Variants in ALDH1L2 observed in about 807,000 individuals in gnomAD.
ALDH1L2 encodes the protein mitochondrial 10-formyltetrahydrofolate dehydrogenase.
Under a neutral mutation model 111.0 loss-of-function variants are expected in ALDH1L2, and 91 were observed. That is an observed-to-expected ratio of 0.82 (90% confidence interval 0.69 to 0.98). The LOEUF is 0.98. ALDH1L2 is among the 50% of genes least tolerant of loss of function. The pLI is 0.00. For synonymous variants in ALDH1L2, 374 were observed against 392.6 expected, an observed-to-expected ratio of 0.95 and a Z score of 0.56; for missense variants, 995 against 1,126.8, an observed-to-expected ratio of 0.88 and a Z score of 1.67.
chr12:105,030,275 A>T (rs1401028360), intron 21 of ALDH1L2, 49 bp downstream of exon 21: 2 of 1,487,254 alleles, frequency 1.3e-6, no homozygotes, highest in Non-Finnish European at 9.3e-7. Flanking sequence ...AAGGGGAAAA[A>T]TGACTTATCT....
rs1314670312 is a variant in ALDH1L2 at position 105,020,823 on chromosome 12, T to C, written c.*3601A>G. On this transcript the variant is annotated 3_prime_UTR_variant, in exon 23 of 23. Coordinates refer to ENST00000258494, the MANE Select transcript of ALDH1L2 (RefSeq NM_001034173.4). ...AGTGGTGTGCTGGTGCTGGCTTGCA[T>C]TTGTTCTGATGGCATGCATCTCTTC... is the stretch of plus-strand genomic sequence containing the variant. 1 of 152,204 alleles carries C rather than the reference T, an allele frequency of 6.6e-6. No individual in the cohort carries two copies. The highest frequency in any genetic ancestry group is 1.5e-5 in the Non-Finnish European group (1 of 68,072). 9.4% of individuals were successfully genotyped at this position (152,204 alleles called of 1,614,324 possible).
At chr12:105,069,154 C>T (rs1234481370) in intron 3 of ALDH1L2, among the ~76,000 whole-genome samples, 13 of 152,156 alleles carry the variant, frequency 8.5e-5, no homozygotes, top group African/African-American at 2.9e-4. Flanking sequence ...GCATTAGAGT[C>T]TATCGTTACT....
chr12:105,035,912 TTATA>T (rs199968455), intron 18 of ALDH1L2, among the ~76,000 whole-genome samples: 3 of 84,510 alleles, frequency 3.5e-5, no homozygotes, highest in Non-Finnish European at 6.2e-5. Flanking sequence ...TGTATATATA[TTATA>T]TATATACATA....
intron 12 of ALDH1L2, chr12:105,050,655 C>A (rs1296835054): frequency 6.6e-6 from 3 of 453,452 alleles, no homozygotes; most frequent in African/African-American, 4.0e-5. Flanking sequence ...AGCTTGAAAT[C>A]CCCCTCCGAC....
chr12:105,047,946 A>G (rs1876019310), intron 13 of ALDH1L2: 1 of 152,222 alleles, frequency 6.6e-6, no homozygotes, highest in Non-Finnish European at 1.5e-5. Flanking sequence ...GATGTAAATA[A>G]ATATTATTAA....
intron 13 of ALDH1L2, 94 bp from the exon 14 acceptor site, chr12:105,047,063 T>C (rs748372265): frequency 4.9e-5 from 68 of 1,375,056 alleles, no homozygotes; most frequent in Non-Finnish European, 7.0e-5. Context: ...CTCTTACTTT[T>C]TGTTAGCTGA....
chr12:105,040,472 C>G, intron 16 of ALDH1L2, 135 bp downstream of exon 16: 1 of 848,822 alleles, frequency 1.2e-6, no homozygotes, highest in Non-Finnish European at 2.0e-6. Context: ...GTATATTCAT[C>G]CTTAACTGTT....
chr12:105,056,295 C>T (rs1208687563), intron 10 of ALDH1L2, among the ~76,000 whole-genome samples: 2 of 152,144 alleles, frequency 1.3e-5, no homozygotes, highest in Non-Finnish European at 2.9e-5. Context: ...TCCAAAAATT[C>T]TATACCCAAC....
intron 18 of ALDH1L2, among the ~76,000 whole-genome samples, chr12:105,036,517 TATATATATATATATA>T (rs1875134381): frequency 2.1e-4 from 1 of 4,702 alleles, no homozygotes; most frequent in African/African-American, 2.6e-3. Context: ...ATATATTTTA[TATATATATATATATA>T]TATATATATA....
In ALDH1L2 at chr12:105,043,712, T is replaced by C. The variant is rs114968902; in HGVS notation, c.1863+2998A>G. ...TAAATGGTTTCATCTCCATCACAAC[T>C]CTTTTCATTTTTATTGGTTTTCTTC... On this transcript the variant is annotated intron_variant, in intron 15 of 22. Coordinates refer to ENST00000258494, the MANE Select transcript of ALDH1L2 (RefSeq NM_001034173.4). 3.3e-3 allele frequency among the ~76,000 whole-genome samples: 499 copies of C among 152,360 alleles called. 6 individuals are homozygous for C. The highest frequency in any genetic ancestry group is 0.012 in the African/African-American group (480 of 41,592).
In ALDH1L2 at chr12:105,021,835, G is replaced by A. The variant is rs893822275; in HGVS notation, c.*2589C>T. On this transcript the variant is annotated 3_prime_UTR_variant, in exon 23 of 23. Coordinates refer to ENST00000258494, the MANE Select transcript of ALDH1L2 (RefSeq NM_001034173.4). ...AAGGCAAGTAATTTTAGTACAAGTGGTAAGTGCTATGTTTGAAACAAGTGG... is the reference window on the plus strand; with the variant it reads ...AAGGCAAGTAATTTTAGTACAAGTGATAAGTGCTATGTTTGAAACAAGTGG... 1.3e-5 allele frequency: 2 copies of A among 152,178 alleles called. No individual in the cohort carries two copies. Among genetic ancestry groups the A allele is most frequent in the Non-Finnish European group, 2.9e-5 (2 of 68,066 alleles). The allele number at this position is 152,178 out of a possible 1,614,324, so 9.4% of individuals were successfully genotyped here.
rs1296466942 is a variant in ALDH1L2, at chr12:105,058,813, A to G, written c.1140-593T>C. ...AGCAGTGGTGTACGAGGTACAGTGT[A>G]GAAAGTCCACCATGGTTGTGGTTCA... On this transcript the variant is annotated intron_variant, in intron 9 of 22. Coordinates refer to ENST00000258494, the MANE Select transcript of ALDH1L2 (RefSeq NM_001034173.4). Among the ~76,000 whole-genome samples, 9 of 152,200 alleles carry G rather than the reference A, an allele frequency of 5.9e-5. No individual in the cohort carries two copies. The East Asian group carries it at 1.5e-3, about 26-fold the overall frequency.
At chr12:105,049,754 G>C (rs973511284) in intron 13 of ALDH1L2, 154 bp downstream of exon 13, 1 of 779,916 alleles carries the variant, frequency 1.3e-6, no homozygotes, top group African/African-American at 1.8e-5. Context: ...CCTAGTCTCA[G>C]GTATTCTGTT....
chr12:105,045,419 A>G (rs917031661), intron 15 of ALDH1L2, among the ~76,000 whole-genome samples: 1 of 151,918 alleles, frequency 6.6e-6, no homozygotes, highest in African/African-American at 2.4e-5. Flanking sequence ...AATTAGCAAT[A>G]TATACATATA....
chr12:105,053,649 TC>T (rs1188889675), intron 10 of ALDH1L2, among the ~76,000 whole-genome samples: 3 of 152,156 alleles, frequency 2.0e-5, no homozygotes, highest in Non-Finnish European at 4.4e-5. Context: ...TCTTGCCTTT[TC>T]CCACACTGAG....
Position 105,062,925 on chromosome 12 carries a change from T to G in ALDH1L2, c.884A>C (p.Lys295Thr), listed in dbSNP as rs1565966588. 6.2e-7 allele frequency: 1 copy of G among 1,613,982 alleles called. No individual in the cohort carries two copies. The highest frequency in any genetic ancestry group is 8.5e-7 in the Non-Finnish European group (1 of 1,179,948). The change falls in exon 7 of 23, where the codon AAA (lysine) becomes ACA (threonine). Residue 295 changes from lysine (K) to threonine (T), a missense_variant. Coordinates refer to ENST00000258494, the MANE Select transcript of ALDH1L2 (RefSeq NM_001034173.4). ...KGAKKPGLVT[K>T]NGLVLFGNDG... ...GTTACCAAAAAGAACAAGTCCATTTTTGGTAACGAGACCAGGCTTCTTGGC... is the reference window on the plus strand; with the variant it reads ...GTTACCAAAAAGAACAAGTCCATTTGTGGTAACGAGACCAGGCTTCTTGGC...
chr12:105,068,685 G>A, intron 4 of ALDH1L2, 34 bp downstream of exon 4: 1 of 1,398,210 alleles, frequency 7.2e-7, no homozygotes, highest in Non-Finnish European at 9.4e-7. Context: ...AACTTTAAAG[G>A]TTTACTAAAT....
intron 9 of ALDH1L2, chr12:105,060,532 A>G (rs1876923472): frequency 6.5e-6 from 1 of 153,204 alleles, no homozygotes. Context: ...GATGAAGAAT[A>G]AAGATGTGTT....
intron 19 of ALDH1L2, 115 bp from the exon 20 acceptor site, chr12:105,032,049 C>A (rs905042712): frequency 9.9e-6 from 10 of 1,014,630 alleles, no homozygotes; most frequent in African/African-American, 1.6e-5. Context: ...TTAGTCTTTA[C>A]AATAGCACCG....
Sources: allele counts gnomAD v4.1 joint callset (sites outside exome capture counted in the v4.1 genomes callset), GRCh38; gene constraint gnomAD v4.1.1; transcripts MANE v1.5; gene names NCBI Gene and HGNC (gene_info 2026-07-23, HGNC 2026-07-21).